The following FBF1 variants were observed in gnomAD, a reference collection of about 807,000 sequenced individuals.
FBF1 encodes fas-binding factor 1.
In FBF1, 119 loss-of-function variants were observed where a neutral mutation model predicts 147.2. That is an observed-to-expected ratio of 0.81 (90% CI 0.70 to 0.94). The LOEUF is 0.94. Ranked by LOEUF, FBF1 falls within the 40% of genes least tolerant of loss-of-function variation. The pLI is 0.00. For synonymous variants in FBF1, 601 were observed against 609.0 expected (o/e 0.99, Z 0.19); for missense variants, 1,449 against 1,500.8 (o/e 0.97, Z 0.57).
In FBF1 at chr17:75,917,767, C is replaced by A; in HGVS notation, c.2470G>T (p.Ala824Ser). 4 of 1,609,540 alleles carry A rather than the reference C, an allele frequency of 2.5e-6. No homozygotes were observed. The highest frequency in any genetic ancestry group is 3.4e-6 in the Non-Finnish European group (4 of 1,178,850). Residue 824 changes from alanine to serine, a missense_variant, in exon 23 of 30, where the codon GCA (alanine) becomes TCA (serine). Physicochemically the swap from Ala to Ser is moderately conservative, Grantham distance 99 (BLOSUM62 1). Transcript: ENST00000636174. Reference protein sequence around the residue: ...RQQEVIGKMEARLNEQSRLLE... With the variant: ...RQQEVIGKMESRLNEQSRLLE... ...AGCCGGCTCTGCTCATTCAGCCGTG[C>A]CTCCATCTTCCCGATGACCTCCTGT...
At chr17:75,939,525 G>A (rs1275613175) in intron 1 of FBF1, among the ~76,000 whole-genome samples, 1 of 152,024 alleles carries the variant, frequency 6.6e-6, no homozygotes, top group Non-Finnish European at 1.5e-5. Flanking sequence ...ACAAAAGCAG[G>A]TATGAACTCT....
chr17:75,917,170 G>C lies in FBF1; in HGVS notation c.2505+562C>G, dbSNP rs550291142. Among the ~76,000 whole-genome samples, 12 of 152,128 alleles carry C rather than the reference G, an allele frequency of 7.9e-5. 1 individual carries two copies. The highest frequency in any genetic ancestry group is 4.4e-5 in the Non-Finnish European group (3 of 68,032). On this transcript the variant is annotated intron_variant, in intron 23 of 29. Transcript: ENST00000636174. ...CATAAAAAAATTTATTTATGGTCTCGCTAGGCTGGTCTCAAATTCTGGGCC... is the reference window on the plus strand; with the variant it reads ...CATAAAAAAATTTATTTATGGTCTCCCTAGGCTGGTCTCAAATTCTGGGCC...
intron 7 of FBF1, 33 bp downstream of exon 7, chr17:75,929,964 C>CCCCA: frequency 3.6e-6 from 5 of 1,402,182 alleles, no homozygotes; most frequent in East Asian, 2.5e-5. Context: ...CACCCACCCC[C>CCCCA]AGTTCTAAGA....
At chr17:75,927,041 A>C (rs2065566439) in intron 9 of FBF1, among the ~76,000 whole-genome samples, 164 bp from the exon 10 acceptor site, 1 of 152,170 alleles carries the variant, frequency 6.6e-6, no homozygotes, top group African/African-American at 2.4e-5. Context: ...GGGACTCCAC[A>C]AAAAGACAGG....
Position 75,912,266 on chromosome 17 carries a change from G to A in FBF1, c.3289C>T (p.Pro1097Ser), listed in dbSNP as rs748512046. Residue 1097 changes from proline (P) to serine (S), a missense_variant, in exon 29 of 30, where the codon CCG (proline) becomes TCG (serine). By Grantham distance (74) the Pro-to-Ser change is moderately conservative. Transcript: ENST00000636174. ...GGGCTGGGGTCCAGGCCAGTTGGCG[G>A]CTGGCTGCACCAACGGGTGGTGGGA... is the stretch of plus-strand genomic sequence containing the variant. ...PAPTTRWCSQ[P>S]PTGLDPSPLH... 5 of 1,609,618 alleles carry A rather than the reference G, an allele frequency of 3.1e-6. No homozygotes were observed. Among genetic ancestry groups the A allele is most frequent in the Non-Finnish European group, 4.2e-6 (5 of 1,178,492 alleles).
At chr17:75,934,380 G>A (rs1398643631) in intron 4 of FBF1, among the ~76,000 whole-genome samples, 1 of 152,034 alleles carries the variant, frequency 6.6e-6, no homozygotes, top group Admixed American at 6.6e-5. Flanking sequence ...GGCCAACATG[G>A]CGAAAACCCA....
At chr17:75,939,948 C>CT (rs774054007) in intron 1 of FBF1, 2 of 151,960 alleles carry the variant, frequency 1.3e-5, no homozygotes, top group Non-Finnish European at 2.9e-5. Flanking sequence ...CATGTGTTTT[C>CT]TTTTTTTTCT....
rs200455962 is a variant in FBF1, at chr17:75,927,544, A to G, written c.398-12T>C. On this transcript the variant is annotated splice_polypyrimidine_tract_variant and intron_variant, in intron 8 of 29. Transcript: ENST00000636174. ...GGGAATGGCACCCCCTGCAGGAAGC[A>G]GAAGACAAGGTCATGGGCCTGAGTC... 6.3e-6 allele frequency: 10 copies of G among 1,592,488 alleles called. No individual in the cohort carries two copies. The African/African-American group carries it at 1.2e-4, about 19-fold the overall frequency.
chr17:75,940,034 C>A (rs933039211), intron 1 of FBF1, among the ~76,000 whole-genome samples: 2 of 150,886 alleles, frequency 1.3e-5, no homozygotes, highest in Non-Finnish European at 3.0e-5. Flanking sequence ...CAACCTCAGC[C>A]TCCCGGGTTC....
rs375382563 is a variant in FBF1, at chr17:75,918,176, G to A, written c.2232C>T (p.Ala744=). 6.2e-7 allele frequency: 1 copy of A among 1,613,296 alleles called. No individual in the cohort carries two copies. Among genetic ancestry groups the A allele is most frequent in the African/African-American group, 1.3e-5 (1 of 74,942 alleles). The stretch of plus-strand genomic sequence containing the variant: ...AGCGCACATACCGCGTGTGGGAGGT[G>A]GCACTGGTGGCCGCATCGACCTCTC... ...KDREVDAATS[A]TSHTRSLNSI... is the part of the protein sequence containing the mutation. Residue 744 remains alanine (A), a synonymous_variant, in exon 21 of 30, where the codon GCC becomes GCT. Transcript: ENST00000636174. This position sits in a 1 kb window ranked among gnomAD's most constrained non-coding sequence, Gnocchi z 5.8.
intron 1 of FBF1, among the ~76,000 whole-genome samples, chr17:75,939,033 C>T (rs964550552): frequency 6.6e-6 from 1 of 152,124 alleles, no homozygotes; most frequent in East Asian, 1.9e-4. Context: ...CGGTGGCTCA[C>T]ACCTGTTATC....
rs998294575 is a variant in FBF1 at position 75,922,091 on chromosome 17, G to A, written c.1425-45C>T. The A allele has an allele frequency of 4.6e-6, 7 of 1,517,074 alleles. No individual in the cohort carries two copies. Among genetic ancestry groups the A allele is most frequent in the Non-Finnish European group, 5.4e-6 (6 of 1,116,766 alleles). 94.0% of individuals were successfully genotyped at this position (1,517,074 alleles called of 1,614,324 possible). A position where few individuals can be genotyped will look rare whatever the true frequency, so the allele number is the denominator to read the frequency against. Reference sequence around the variant, plus strand: ...AAGGTGAAGGTGACAGAAGGCCCAGGTCAGGCTGGATGAAGACAGGGCCCA... The same window carrying A: ...AAGGTGAAGGTGACAGAAGGCCCAGATCAGGCTGGATGAAGACAGGGCCCA... On this transcript the variant is annotated intron_variant, in intron 14 of 29. Transcript: ENST00000636174. The surrounding 1 kb of genome is among the most constrained non-coding windows in gnomAD (Gnocchi z 5.0).
intron 1 of FBF1, among the ~76,000 whole-genome samples, chr17:75,939,310 A>C (rs1567865893): frequency 1.3e-5 from 2 of 149,968 alleles, no homozygotes; most frequent in Non-Finnish European, 3.0e-5. Context: ...AAAAAAAAAA[A>C]AAAAAAACGT....
rs184991640 is a variant in FBF1, at chr17:75,928,811, A to G, written c.280-618T>C. Among the ~76,000 whole-genome samples the G allele has an allele frequency of 6.6e-6, 1 of 152,192 alleles. No homozygotes were observed. Among genetic ancestry groups the G allele is most frequent in the Admixed American group, 6.5e-5 (1 of 15,280 alleles). ...CAACAGAGCAAGACTCCGTCTCAAAAAAATAAAAATAAATTAAAAATAAAA... is the reference window on the plus strand; with the variant it reads ...CAACAGAGCAAGACTCCGTCTCAAAGAAATAAAAATAAATTAAAAATAAAA... On this transcript the variant is annotated intron_variant, in intron 7 of 29. Coordinates refer to ENST00000636174, the MANE Select transcript of FBF1 (RefSeq NM_001319193.2). This position sits in a 1 kb window ranked among gnomAD's most constrained non-coding sequence, Gnocchi z 4.2.
At chr17:75,924,559 C>G (rs2065548902) in intron 13 of FBF1, among the ~76,000 whole-genome samples, 1 of 152,270 alleles carries the variant, frequency 6.6e-6, no homozygotes, top group East Asian at 1.9e-4. Flanking sequence ...CTCACCACAA[C>G]TTCCGCCTCT....
chr17:75,919,464 C>G lies in FBF1; in HGVS notation c.2138+204G>C, dbSNP rs2065509804. The stretch of plus-strand genomic sequence containing the variant: ...ACAGCCTGTGGGTACCCCCTCCTGC[C>G]TCTGTAAGAGCAGGTGGCACCCCCA... On this transcript the variant is annotated intron_variant, in intron 20 of 29. Transcript: ENST00000636174. The surrounding 1 kb of genome is among the most constrained non-coding windows in gnomAD (Gnocchi z 5.0). 6.6e-6 allele frequency among the ~76,000 whole-genome samples: 1 copy of G among 152,216 alleles called. No homozygotes were observed. Among genetic ancestry groups the G allele is most frequent in the South Asian group, 2.1e-4 (1 of 4,832 alleles).
rs546578558 is a variant in FBF1 at position 75,921,456 on chromosome 17, C to T, written c.1615+16G>A. The T allele has an allele frequency of 3.1e-6, 5 of 1,608,118 alleles. No homozygotes were observed. The highest frequency in any genetic ancestry group is 4.2e-6 in the Non-Finnish European group (5 of 1,177,086). On this transcript the variant is annotated intron_variant, in intron 16 of 29. Transcript: ENST00000636174. ...AGGGTTAAACTCCCAAATGAAGCAG[C>T]AAACAAAAAACAAACCAGTGGCTGA...
rs537022392 is a variant in FBF1 at position 75,919,411 on chromosome 17, C to T, written c.2138+257G>A. On this transcript the variant is annotated intron_variant, in intron 20 of 29. Transcript: ENST00000636174. The surrounding 1 kb of genome is among the most constrained non-coding windows in gnomAD (Gnocchi z 5.0). ...ACCCTGTGCTTAGTTAGACCCTAGG[C>T]GGCTTGCTGCTGCCATGCCATGCCT... 2.0e-5 allele frequency among the ~76,000 whole-genome samples: 3 copies of T among 151,040 alleles called. No individual in the cohort carries two copies. Among genetic ancestry groups the T allele is most frequent in the Admixed American group, 1.3e-4 (2 of 15,152 alleles).
intron 13 of FBF1, among the ~76,000 whole-genome samples, chr17:75,924,482 GT>G (rs959467011): frequency 2.1e-4 from 32 of 151,860 alleles, no homozygotes; most frequent in African/African-American, 7.0e-4. Context: ...AACTTCTGAA[GT>G]TTTTTTTTGA....
Sources: allele counts gnomAD v4.1 joint callset (sites outside exome capture counted in the v4.1 genomes callset), GRCh38; gene constraint gnomAD v4.1.1; non-coding constraint Gnocchi (gnomAD v3.1); transcripts MANE v1.5; gene names NCBI Gene and HGNC (gene_info 2026-07-23, HGNC 2026-07-21).